ZNF274: variants seen among roughly 807,000 people sequenced by gnomAD.
ZNF274 encodes neurotrophin receptor-interacting factor homolog.
A neutral mutation model predicts 42.5 loss-of-function variants in ZNF274; 23 were observed. The observed-to-expected ratio is 0.54, with a 90% CI of 0.39 to 0.77. ZNF274 has a LOEUF of 0.77. Among genes scored for constraint, ZNF274 ranks in the 30% least tolerant of loss-of-function variants. ZNF274 has a pLI of 0.00. For missense variants in ZNF274, 679 were observed against 806.5 expected (o/e 0.84, Z 1.91); for synonymous variants, 292 against 305.4 (o/e 0.96, Z 0.46).
chr19:58,194,923 G>A (rs2075823212), intron 4 of ZNF274, among the ~76,000 whole-genome samples: 1 of 151,898 alleles, frequency 6.6e-6, no homozygotes. Context: ...ATGGCATGAA[G>A]CCGGGAGGCG....
At position 58,212,257 on chromosome 19, in the gene ZNF274, G is replaced by A. The variant is rs967708620; in HGVS notation, c.1076G>A (p.Arg359Lys). Residue 359 changes from arginine to lysine, a missense_variant, in exon 8 of 8, where the codon AGG becomes AAG. Transcript: ENST00000617501. This position sits in a 1 kb window ranked among gnomAD's most constrained non-coding sequence, Gnocchi z 4.6. Reference sequence around the variant, plus strand: ...AGCCTGAAAGTACAAGAATCCTCAAGGGATTGTGCCTTGTCCTCTACATTA... The same window carrying A: ...AGCCTGAAAGTACAAGAATCCTCAAAGGATTGTGCCTTGTCCTCTACATTA... ...APSLKVQESSRDCALSSTLED... is the reference protein window; with the variant it reads ...APSLKVQESSKDCALSSTLED... 2 of 1,613,804 alleles carry A rather than the reference G, an allele frequency of 1.2e-6. No homozygotes were observed. The highest frequency in any genetic ancestry group is 2.7e-5 in the African/African-American group (2 of 74,924).
chr19:58,195,535 TGGC>T (rs374628841), intron 4 of ZNF274, among the ~76,000 whole-genome samples: 28,762 of 152,154 alleles, frequency 0.19, 3,530 homozygotes, highest in Middle Eastern at 0.36. Context: ...CTCCCAACAG[TGGC>T]ATAGCTGTGC....
At position 58,188,704 on chromosome 19, in the gene ZNF274, A is replaced by ATGTG. The variant is rs1408619613; in HGVS notation, c.256+1663_256+1664insGTGT. 1.1e-4 allele frequency among the ~76,000 whole-genome samples: 13 copies of ATGTG among 116,852 alleles called. No individual in the cohort carries two copies. In the South Asian group the frequency reaches 3.0e-3, roughly 27 times the overall value. The allele number at this position is 116,852 out of a possible 152,430, so 76.7% of individuals were successfully genotyped here. ...TATATATATGTATATGTATATATAT[A>ATGTG]TATATATATATATATATATAAATCT... On this transcript the variant is annotated intron_variant, in intron 4 of 7. Coordinates refer to ENST00000617501, the MANE Select transcript of ZNF274 (RefSeq NM_133502.3).
chr19:58,191,350 G>A (rs2075776990), intron 4 of ZNF274, among the ~76,000 whole-genome samples: 1 of 152,198 alleles, frequency 6.6e-6, no homozygotes, highest in Non-Finnish European at 1.5e-5. Context: ...TGTTGGCCAG[G>A]ATGGTCTTGA....
chr19:58,193,940 A>G (rs1380588260), intron 4 of ZNF274, among the ~76,000 whole-genome samples: 2 of 152,084 alleles, frequency 1.3e-5, no homozygotes, highest in African/African-American at 2.4e-5. Context: ...AAATATATCT[A>G]TATCTATATC....
intron 4 of ZNF274, among the ~76,000 whole-genome samples, chr19:58,197,364 T>C (rs867296619): frequency 1.5e-4 from 23 of 152,214 alleles, no homozygotes; most frequent in Non-Finnish European, 3.2e-4. Context: ...AAGAACCCCG[T>C]TGAATAATAA....
chr19:58,183,646 G>A (rs2075658415), intron 1 of ZNF274: 1 of 261,364 alleles, frequency 3.8e-6, no homozygotes, highest in Non-Finnish European at 7.4e-6. Flanking sequence ...GGGCGCCGCG[G>A]TGGAGAGAAC....
chr19:58,206,809 C>A lies in ZNF274; in HGVS notation c.346C>A (p.Leu116Met). The change falls in exon 5 of 8, where the codon CTG becomes ATG. Residue 116 changes from leucine to methionine, a missense_variant. Leu to Met is a conservative substitution (Grantham distance 15, BLOSUM62 2). Transcript: ENST00000617501. ...CATTGAGGTTGTTGAGGTCCTCACA[C>A]TGAACCAGGAGGTGGCTGGTCCCCG... ...MNIEVVEVLT[L>M]NQEVAGPRNA... 6.2e-7 allele frequency: 1 copy of A among 1,613,990 alleles called. No homozygotes were observed. The highest frequency in any genetic ancestry group is 8.5e-7 in the Non-Finnish European group (1 of 1,179,870).
intron 4 of ZNF274, among the ~76,000 whole-genome samples, chr19:58,189,036 A>C (rs912232714): frequency 6.6e-6 from 1 of 151,950 alleles, no homozygotes; most frequent in Non-Finnish European, 1.5e-5. Flanking sequence ...TTTAGTTCAC[A>C]TTTTCCGCAC....
intron 4 of ZNF274, among the ~76,000 whole-genome samples, chr19:58,204,353 G>T (rs555465987): frequency 8.2e-4 from 125 of 152,170 alleles, no homozygotes; most frequent in African/African-American, 2.9e-3. Context: ...TCCAGGGGGG[G>T]CAGGGTTCGA....
intron 4 of ZNF274, among the ~76,000 whole-genome samples, chr19:58,203,579 CAAAAAAAA>C (rs34444681): frequency 6.2e-5 from 5 of 80,310 alleles, no homozygotes; most frequent in South Asian, 5.0e-4. Flanking sequence ...AACTCCGTCT[CAAAAAAAA>C]AAAAAAAAAG....
Position 58,185,825 on chromosome 19 carries a change from C to A in ZNF274, c.147C>A (p.Asn49Lys). Residue 49 changes from asparagine to lysine, a missense_variant, in exon 3 of 8, where the codon AAC becomes AAA. Asn to Lys is a moderately conservative substitution (Grantham distance 94, BLOSUM62 0). Around this residue, in one of 2 missense-constraint regions of ZNF274, gnomAD observed 223 missense variants for 216.4 expected, o/e 1.03. Coordinates refer to ENST00000617501, the MANE Select transcript of ZNF274 (RefSeq NM_133502.3). ...YREVMLENYR[N>K]LVSVEHQLSK... ...AAGTGATGCTGGAGAACTACAGGAA[C>A]CTGGTCTCAGTGGGTAAGGCTGGCC... 1 of 1,392,350 alleles carries A rather than the reference C, an allele frequency of 7.2e-7. No homozygotes were observed. The highest frequency in any genetic ancestry group is 9.4e-7 in the Non-Finnish European group (1 of 1,062,472). 86.2% of individuals were successfully genotyped at this position (1,392,350 alleles called of 1,614,324 possible). A position where few individuals can be genotyped will look rare whatever the true frequency, so the allele number is the denominator to read the frequency against.
chr19:58,200,498 CAGT>C (rs1308467814), intron 4 of ZNF274, among the ~76,000 whole-genome samples: 15 of 152,226 alleles, frequency 9.9e-5, no homozygotes, highest in African/African-American at 3.6e-4. Flanking sequence ...GGGTGGGCAG[CAGT>C]AGTTCAGAAC....
intron 4 of ZNF274, 60 bp downstream of exon 4, chr19:58,187,102 A>G (rs1337843852): frequency 1.4e-6 from 2 of 1,418,126 alleles, no homozygotes; most frequent in East Asian, 2.4e-5. Context: ...GTCAGGGACC[A>G]GTATCTTGGA....
chr19:58,212,212 C>T lies in ZNF274; in HGVS notation c.1031C>T (p.Pro344Leu), dbSNP rs552527666. ...NKELAPNSDI[P>L]EEEPAPSLKV... ...GAGTTAGCTCCAAATTCTGACATTCCTGAGGAAGAACCAGCCCCCAGCCTG... is the reference window on the plus strand; with the variant it reads ...GAGTTAGCTCCAAATTCTGACATTCTTGAGGAAGAACCAGCCCCCAGCCTG... Residue 344 changes from proline (P) to leucine (L), a missense_variant, in exon 8 of 8, where the codon CCT becomes CTT. Transcript: ENST00000617501. This position sits in a 1 kb window ranked among gnomAD's most constrained non-coding sequence, Gnocchi z 4.6. The T allele has an allele frequency of 6.2e-7, 1 of 1,612,534 alleles. No individual in the cohort carries two copies. The highest frequency in any genetic ancestry group is 1.1e-5 in the South Asian group (1 of 91,048).
At chr19:58,185,012 C>A (rs998159494) in intron 2 of ZNF274, among the ~76,000 whole-genome samples, 42 of 150,934 alleles carry the variant, frequency 2.8e-4, no homozygotes, top group Admixed American at 1.7e-3. Flanking sequence ...CCCAGCTACT[C>A]GGGAGGCTGA....
At chr19:58,193,316 T>G (rs1401483742) in intron 4 of ZNF274, among the ~76,000 whole-genome samples, 1 of 151,376 alleles carries the variant, frequency 6.6e-6, no homozygotes, top group Non-Finnish European at 1.5e-5. Flanking sequence ...CCAGCTAAAT[T>G]TTTGTATTTT....
intron 4 of ZNF274, among the ~76,000 whole-genome samples, chr19:58,191,952 A>AT (rs1373150863): frequency 6.6e-6 from 1 of 152,216 alleles, no homozygotes; most frequent in African/African-American, 2.4e-5. Flanking sequence ...TTTTACAAAC[A>AT]TGTTACACAG....
Position 58,212,274 on chromosome 19 carries a change from T to A in ZNF274, c.1093T>A (p.Ser365Thr). The part of the protein sequence containing the change: ...QESSRDCALS[S>T]TLEDTLQGGV... ...ATCCTCAAGGGATTGTGCCTTGTCC[T>A]CTACATTAGAAGATACCTTGCAGGG... The change falls in exon 8 of 8, where the codon TCT (serine) becomes ACT (threonine). Residue 365 changes from serine to threonine, a missense_variant. Transcript: ENST00000617501. The surrounding 1 kb of genome is among the most constrained non-coding windows in gnomAD (Gnocchi z 4.6). 6.2e-7 allele frequency: 1 copy of A among 1,613,994 alleles called. No individual in the cohort carries two copies. Among genetic ancestry groups the A allele is most frequent in the Non-Finnish European group, 8.5e-7 (1 of 1,179,890 alleles).
Sources: allele counts gnomAD v4.1 joint callset (sites outside exome capture counted in the v4.1 genomes callset), GRCh38; gene constraint gnomAD v4.1.1; regional missense constraint gnomAD v4.1.1; non-coding constraint Gnocchi (gnomAD v3.1); transcripts MANE v1.5; gene names NCBI Gene and HGNC (gene_info 2026-07-23, HGNC 2026-07-21).